Variants in TMEM215 observed in about 807,000 individuals in gnomAD.
TMEM215 encodes the protein transmembrane protein 215.
In TMEM215, 12 loss-of-function variants were observed where a neutral mutation model predicts 14.7. The ratio of observed to expected loss-of-function variants is 0.82; its 90% CI spans 0.52 to 1.33. TMEM215 has a LOEUF of 1.33. Among genes scored for constraint, TMEM215 ranks in the 40% most tolerant of loss-of-function variants. The pLI is 0.00. For missense variants in TMEM215, 276 were observed against 296.2 expected (o/e 0.93, Z 0.50); for synonymous variants, 122 against 124.8 (o/e 0.98, Z 0.15).
intron 1 of TMEM215, 98 bp downstream of exon 1, chr9:32,783,903 G>A (rs942999875): frequency 7.3e-6 from 3 of 412,004 alleles, no homozygotes; most frequent in Non-Finnish European, 1.3e-5. Context: ...AAGGGAGGGA[G>A]GGAGAGGGGA....
chr9:32,786,910 T>G lies in TMEM215; in HGVS notation c.*2019T>G, dbSNP rs896615884. On this transcript the variant is annotated 3_prime_UTR_variant, in exon 2 of 2. Coordinates refer to ENST00000342743, the MANE Select transcript of TMEM215 (RefSeq NM_212558.3). ...TTTGGGATGGGGAGAGATAGTTTCC[T>G]AAAATCACAGTAACTTTTAATAATT... is the stretch of plus-strand genomic sequence containing the variant. 6.0e-6 allele frequency: 1 copy of G among 167,038 alleles called. No homozygotes were observed. The highest frequency in any genetic ancestry group is 1.5e-5 in the Non-Finnish European group (1 of 68,054). 10.3% of individuals were successfully genotyped at this position (167,038 alleles called of 1,614,324 possible).
Position 32,783,795 on chromosome 9 carries a change from G to A in TMEM215, c.-69G>A, listed in dbSNP as rs78240711. 1.3e-3 allele frequency: 239 copies of A among 178,872 alleles called. 3 individuals carry two copies. In the East Asian group the frequency reaches 0.037, roughly 27 times the overall value. The allele number at this position is 178,872 out of a possible 1,614,324, so 11.1% of individuals were successfully genotyped here. On this transcript the variant is annotated 5_prime_UTR_variant, in exon 1 of 2. Coordinates refer to ENST00000342743, the MANE Select transcript of TMEM215 (RefSeq NM_212558.3). ...CTTTCCCTACTTCCTGGAGAGGGCA[G>A]GAAACCTCAGGTACCTCGTTGACCC...
rs1286725594 is a variant in TMEM215, at chr9:32,785,173, A to C, written c.*282A>C. On this transcript the variant is annotated 3_prime_UTR_variant, in exon 2 of 2. Coordinates refer to ENST00000342743, the MANE Select transcript of TMEM215 (RefSeq NM_212558.3). Reference sequence around the variant, plus strand: ...TTTACACAATGTTAAATGTTTTGTAAAATAACCCAAAAAGTGCTATCCAGA... The same window carrying C: ...TTTACACAATGTTAAATGTTTTGTACAATAACCCAAAAAGTGCTATCCAGA... The C allele has an allele frequency of 2.8e-6, 1 of 359,454 alleles. No homozygotes were observed. The highest frequency in any genetic ancestry group is 2.1e-5 in the African/African-American group (1 of 47,996). The allele number at this position is 359,454 out of a possible 1,614,324, so 22.3% of individuals were successfully genotyped here.
In TMEM215 at chr9:32,788,277, A is replaced by G. The variant is rs191211948; in HGVS notation, c.*3386A>G. On this transcript the variant is annotated 3_prime_UTR_variant, in exon 2 of 2. Transcript: ENST00000342743. ...TAATACTAGTATTTTATCACAGTAA[A>G]GAAAAGGTTTCTGAAAACCCACAAC... 2.0e-5 allele frequency among the ~76,000 whole-genome samples: 3 copies of G among 152,284 alleles called. No homozygotes were observed. The East Asian group carries it at 5.8e-4, about 29-fold the overall frequency.
In TMEM215 at chr9:32,784,806, C is replaced by T; in HGVS notation, c.623C>T (p.Ser208Phe). Reference protein sequence around the residue: ...FVPQDSIIVCSYKQNSPYDRY... With the variant: ...FVPQDSIIVCFYKQNSPYDRY... ...CCCCAGGACAGTATCATCGTTTGCT[C>T]CTACAAGCAGAACAGCCCGTATGAC... Residue 208 changes from serine (S) to phenylalanine (F), a missense_variant, in exon 2 of 2, where the codon TCC (serine) becomes TTC (phenylalanine). By Grantham distance (155) the Ser-to-Phe change is radical (BLOSUM62 -2). Coordinates refer to ENST00000342743, the MANE Select transcript of TMEM215 (RefSeq NM_212558.3). 6.2e-7 allele frequency: 1 copy of T among 1,613,622 alleles called. No individual in the cohort carries two copies. Among genetic ancestry groups the T allele is most frequent in the Non-Finnish European group, 8.5e-7 (1 of 1,180,030 alleles).
In TMEM215 at chr9:32,784,341, G is replaced by A; in HGVS notation, c.158G>A (p.Gly53Asp). The change falls in exon 2 of 2, where the codon GGC (glycine) becomes GAC (aspartate). Residue 53 changes from glycine to aspartate, a missense_variant. Physicochemically the swap from Gly to Asp is moderately conservative, Grantham distance 94. Coordinates refer to ENST00000342743, the MANE Select transcript of TMEM215 (RefSeq NM_212558.3). Reference sequence around the variant, plus strand: ...ATCGGGCCAGCCATCTGCCTACCAGGCATCGCAGCCATTGCCCTGGCCAGG... The same window carrying A: ...ATCGGGCCAGCCATCTGCCTACCAGACATCGCAGCCATTGCCCTGGCCAGG... Reference protein sequence around the residue: ...LAIGPAICLPGIAAIALARKT... With the variant: ...LAIGPAICLPDIAAIALARKT... The A allele has an allele frequency of 6.2e-7, 1 of 1,614,232 alleles. No individual in the cohort carries two copies.
rs75716242 is a variant in TMEM215, at chr9:32,789,088, C to T, written c.*4197C>T. 0.018 allele frequency among the ~76,000 whole-genome samples: 2,689 copies of T among 152,206 alleles called. 80 individuals carry two copies. The highest frequency in any genetic ancestry group is 0.061 in the African/African-American group (2,539 of 41,500). ...ATTTCAGGAATCTGATAGACTCTGC[C>T]CTTGAGTTTTCTGTGTTTCAGTTTC... On this transcript the variant is annotated 3_prime_UTR_variant, in exon 2 of 2. Transcript: ENST00000342743.
rs1277717776 is a variant in TMEM215, at chr9:32,788,393, T to C, written c.*3502T>C. Among the ~76,000 whole-genome samples the C allele has an allele frequency of 1.3e-5, 2 of 152,210 alleles. No individual in the cohort carries two copies. Among genetic ancestry groups the C allele is most frequent in the Non-Finnish European group, 2.9e-5 (2 of 68,016 alleles). ...TGCAAATGCAGCATACATATTATAA[T>C]AGTGTGTTTTTCTTTTCTCTTTGAA... On this transcript the variant is annotated 3_prime_UTR_variant, in exon 2 of 2. Coordinates refer to ENST00000342743, the MANE Select transcript of TMEM215 (RefSeq NM_212558.3).
Position 32,786,469 on chromosome 9 carries a change from T to C in TMEM215, c.*1578T>C, listed in dbSNP as rs1160434264. ...TGTAATTATTTTAGTAGGGCTTAAA[T>C]ATCAGAAATGAGATGCATGATCTTG... On this transcript the variant is annotated 3_prime_UTR_variant, in exon 2 of 2. Transcript: ENST00000342743. The C allele has an allele frequency of 6.0e-6, 1 of 166,936 alleles. No homozygotes were observed. Among genetic ancestry groups the C allele is most frequent in the Non-Finnish European group, 1.5e-5 (1 of 68,036 alleles). 10.3% of individuals were successfully genotyped at this position (166,936 alleles called of 1,614,324 possible).
In TMEM215 at chr9:32,784,268, G is replaced by C; in HGVS notation, c.85G>C (p.Val29Leu). 4 of 1,614,192 alleles carry C rather than the reference G, an allele frequency of 2.5e-6. No individual in the cohort carries two copies. Among genetic ancestry groups the C allele is most frequent in the Non-Finnish European group, 3.4e-6 (4 of 1,180,030 alleles). Residue 29 changes from valine to leucine, a missense_variant, in exon 2 of 2, where the codon GTC becomes CTC. Transcript: ENST00000342743. ...VFLVFGFMFT[V>L]SGMKGETLGN... ...CCTCGTCTTTGGTTTCATGTTCACCGTCTCTGGGATGAAAGGGGAGACTTT... is the reference window on the plus strand; with the variant it reads ...CCTCGTCTTTGGTTTCATGTTCACCCTCTCTGGGATGAAAGGGGAGACTTT...
chr9:32,784,154 A>G lies in TMEM215; in HGVS notation c.-30A>G, dbSNP rs1035358505. On this transcript the variant is annotated 5_prime_UTR_variant, in exon 2 of 2. Coordinates refer to ENST00000342743, the MANE Select transcript of TMEM215 (RefSeq NM_212558.3). ...AGAGGAACGCTGCTCCCTGGTCAGC[A>G]AGCAGCCCCCAACCTGGATGGAGTG... The G allele has an allele frequency of 6.3e-7, 1 of 1,580,568 alleles. No homozygotes were observed.
Position 32,785,964 on chromosome 9 carries a change from CT to C in TMEM215, c.*1074del, listed in dbSNP as rs1824502210. ...TGCCAGTGAAACAAGAACTCATCTA[CT>C]AAATTTAACTGAAGCCTAGATTTTA... On this transcript the variant is annotated 3_prime_UTR_variant, in exon 2 of 2. Transcript: ENST00000342743. 6.0e-6 allele frequency: 1 copy of C among 166,992 alleles called. No individual in the cohort carries two copies. Among genetic ancestry groups the C allele is most frequent in the African/African-American group, 2.4e-5 (1 of 41,454 alleles). The allele number at this position is 166,992 out of a possible 1,614,324, so 10.3% of individuals were successfully genotyped here. A position where few individuals can be genotyped will look rare whatever the true frequency, so the allele number is the denominator to read the frequency against.
chr9:32,785,808 TA>T lies in TMEM215; in HGVS notation c.*921del, dbSNP rs1219682947. The stretch of plus-strand genomic sequence containing the variant: ...ATAATTACCATTCCTACATACCTTT[TA>T]AAATCTGAAAACTATAAAGTCTACA... On this transcript the variant is annotated 3_prime_UTR_variant, in exon 2 of 2. Transcript: ENST00000342743. The T allele has an allele frequency of 6.0e-6, 1 of 166,886 alleles. No homozygotes were observed. Among genetic ancestry groups the T allele is most frequent in the East Asian group, 1.9e-4 (1 of 5,198 alleles). The allele number at this position is 166,886 out of a possible 1,614,324, so 10.3% of individuals were successfully genotyped here.
rs556966102 is a variant in TMEM215 at position 32,787,763 on chromosome 9, G to T, written c.*2872G>T. On this transcript the variant is annotated 3_prime_UTR_variant, in exon 2 of 2. Coordinates refer to ENST00000342743, the MANE Select transcript of TMEM215 (RefSeq NM_212558.3). The stretch of plus-strand genomic sequence containing the variant: ...GGTAGCCTTCAAGAGCTCCTAGACA[G>T]ATATAAATTTAAGTAGACATTACTT... 6.6e-6 allele frequency among the ~76,000 whole-genome samples: 1 copy of T among 152,204 alleles called. No homozygotes were observed. Among genetic ancestry groups the T allele is most frequent in the Admixed American group, 6.5e-5 (1 of 15,288 alleles).
Position 32,784,573 on chromosome 9 carries a change from C to T in TMEM215, c.390C>T (p.Ser130=), listed in dbSNP as rs1316474831. 5.0e-6 allele frequency: 8 copies of T among 1,613,590 alleles called. No individual in the cohort carries two copies. The highest frequency in any genetic ancestry group is 6.8e-6 in the Non-Finnish European group (8 of 1,179,894). Residue 130 remains serine, a synonymous_variant, in exon 2 of 2, where the codon TCC becomes TCT. Transcript: ENST00000342743. ...KPPPQSQGEV[S]VASSINSPTP... Reference sequence around the variant, plus strand: ...CCCCACAAAGCCAGGGTGAGGTGTCCGTGGCCAGCTCCATCAACAGCCCCA... The same window carrying T: ...CCCCACAAAGCCAGGGTGAGGTGTCTGTGGCCAGCTCCATCAACAGCCCCA...
At position 32,787,281 on chromosome 9, in the gene TMEM215, C is replaced by A. The variant is rs1162838389; in HGVS notation, c.*2390C>A. 2 of 166,822 alleles carry A rather than the reference C, an allele frequency of 1.2e-5. No homozygotes were observed. The highest frequency in any genetic ancestry group is 3.8e-4 in the East Asian group (2 of 5,208). The allele number at this position is 166,822 out of a possible 1,614,324, so 10.3% of individuals were successfully genotyped here. Reference sequence around the variant, plus strand: ...TATTTTATCTTGTTTTCAAGTTCTACTTCAGAAGAAAACCTATTTCATGTT... The same window carrying A: ...TATTTTATCTTGTTTTCAAGTTCTAATTCAGAAGAAAACCTATTTCATGTT... On this transcript the variant is annotated 3_prime_UTR_variant, in exon 2 of 2. Transcript: ENST00000342743.
chr9:32,785,974 C>A lies in TMEM215; in HGVS notation c.*1083C>A, dbSNP rs954730288. Reference sequence around the variant, plus strand: ...ACAAGAACTCATCTACTAAATTTAACTGAAGCCTAGATTTTATTAAGCTCA... The same window carrying A: ...ACAAGAACTCATCTACTAAATTTAAATGAAGCCTAGATTTTATTAAGCTCA... On this transcript the variant is annotated 3_prime_UTR_variant, in exon 2 of 2. Coordinates refer to ENST00000342743, the MANE Select transcript of TMEM215 (RefSeq NM_212558.3). The A allele has an allele frequency of 1.2e-5, 2 of 166,960 alleles. No homozygotes were observed. Among genetic ancestry groups the A allele is most frequent in the Non-Finnish European group, 2.9e-5 (2 of 68,076 alleles). 10.3% of individuals were successfully genotyped at this position (166,960 alleles called of 1,614,324 possible).
In TMEM215 at chr9:32,785,460, T is replaced by C. The variant is rs1271429454; in HGVS notation, c.*569T>C. On this transcript the variant is annotated 3_prime_UTR_variant, in exon 2 of 2. Transcript: ENST00000342743. ...TGGGAAAAGGGTAGTTAAAGAGAGTTGGATTATGTAACTGAGTCTTGTGGC... is the reference window on the plus strand; with the variant it reads ...TGGGAAAAGGGTAGTTAAAGAGAGTCGGATTATGTAACTGAGTCTTGTGGC... The C allele has an allele frequency of 6.0e-5, 10 of 167,464 alleles. No individual in the cohort carries two copies. In the Admixed American group the frequency reaches 6.5e-4, roughly 11 times the overall value. 10.4% of individuals were successfully genotyped at this position (167,464 alleles called of 1,614,324 possible). A position where few individuals can be genotyped will look rare whatever the true frequency, so the allele number is the denominator to read the frequency against.
chr9:32,786,153 T>A lies in TMEM215; in HGVS notation c.*1262T>A, dbSNP rs1209410331. On this transcript the variant is annotated 3_prime_UTR_variant, in exon 2 of 2. Coordinates refer to ENST00000342743, the MANE Select transcript of TMEM215 (RefSeq NM_212558.3). ...AGAAGGCTATCAAGCAGAATGCCAT[T>A]TGATCCCCGGTGAAGAAAAATATGA... 1 of 166,976 alleles carries A rather than the reference T, an allele frequency of 6.0e-6. No homozygotes were observed. Among genetic ancestry groups the A allele is most frequent in the Non-Finnish European group, 1.5e-5 (1 of 68,080 alleles). The allele number at this position is 166,976 out of a possible 1,614,324, so 10.3% of individuals were successfully genotyped here.
Sources: allele counts gnomAD v4.1 joint callset (sites outside exome capture counted in the v4.1 genomes callset), GRCh38; gene constraint gnomAD v4.1.1; transcripts MANE v1.5; gene names NCBI Gene and HGNC (gene_info 2026-07-23, HGNC 2026-07-21).